PAMR1: variants seen among roughly 807,000 people sequenced by gnomAD.
PAMR1 encodes the protein peptidase domain containing associated with muscle regeneration 1.
Under a neutral mutation model 81.8 loss-of-function variants are expected in PAMR1, and 88 were observed. The ratio of observed to expected loss-of-function variants is 1.08; its 90% CI spans 0.91 to 1.28. The LOEUF (loss-of-function observed/expected upper bound fraction) is 1.28. PAMR1 is among the 50% of genes most tolerant of loss of function. The pLI, the probability that PAMR1 is intolerant of heterozygous loss-of-function variation, is 0.00. For missense variants in PAMR1, 935 were observed against 919.7 expected (o/e 1.02, Z -0.21); for synonymous variants, 336 against 345.3 (o/e 0.97, Z 0.30).
intron 6 of PAMR1, among the ~76,000 whole-genome samples, chr11:35,445,115 G>C (rs927758674): frequency 6.6e-6 from 1 of 152,130 alleles, no homozygotes; most frequent in African/African-American, 2.4e-5. Flanking sequence ...GTGAATGGGA[G>C]TTCATTCATG....
rs762396112 is a variant in PAMR1, at chr11:35,492,103, A to T, written c.321T>A (p.Tyr107Ter). The T allele has an allele frequency of 1.3e-5, 21 of 1,614,026 alleles. No individual in the cohort carries two copies. The highest frequency in any genetic ancestry group is 2.2e-5 in the South Asian group (2 of 91,080). ...GSWGGTLDDF[Y>*]VKGFYCAECR... ...ACTCTGCACAGTAGAACCCCTTCAC[A>T]TAGAAGTCATCCAAGGTACCCCCCC... Residue 107 changes from tyrosine to a stop codon, truncating the protein, a stop_gained, in exon 3 of 11, where the codon TAT becomes TAA. Coordinates refer to ENST00000619888, the MANE Select transcript of PAMR1 (RefSeq NM_001001991.3). LOFTEE classifies it high-confidence loss of function.
intron 3 of PAMR1, 25 bp downstream of exon 3, chr11:35,492,020 T>C (rs759863002): frequency 6.3e-7 from 1 of 1,596,756 alleles, no homozygotes; most frequent in Non-Finnish European, 8.5e-7. Context: ...GCACTAGAGA[T>C]GGAGCTAGGT....
chr11:35,480,091 A>C (rs145058208), intron 3 of PAMR1, among the ~76,000 whole-genome samples: 2,049 of 152,282 alleles, frequency 0.013, 39 homozygotes, highest in African/African-American at 0.047. Flanking sequence ...CGAGAGCAGG[A>C]ATATCATCTG....
chr11:35,525,667 G>A (rs1438198757), upstream of PAMR1: 31 of 1,201,528 alleles, frequency 2.6e-5, 1 homozygote, highest in Middle Eastern at 6.5e-4. Context: ...GGGTTTTACA[G>A]GGACCTCCCC....
intron 6 of PAMR1, among the ~76,000 whole-genome samples, chr11:35,454,361 C>A (rs7943580): frequency 0.28 from 42,803 of 152,068 alleles, 6,119 homozygotes; most frequent in Admixed American, 0.34. Context: ...TAGGCAATGA[C>A]TGATGGATAT....
chr11:35,507,707 A>G (rs1350350056), intron 1 of PAMR1, among the ~76,000 whole-genome samples: 2 of 149,650 alleles, frequency 1.3e-5, no homozygotes, highest in African/African-American at 4.9e-5. Flanking sequence ...GCATTGAAGG[A>G]TTATTTATTT....
At chr11:35,470,883 T>G in intron 4 of PAMR1, 65 bp from the exon 5 acceptor site, 1 of 1,122,390 alleles carries the variant, frequency 8.9e-7, no homozygotes, top group Admixed American at 1.8e-5. Context: ...ACCGCTGGGC[T>G]CATTCAAGGC....
intron 1 of PAMR1, among the ~76,000 whole-genome samples, chr11:35,494,585 C>G (rs1299879152): frequency 6.6e-6 from 1 of 152,092 alleles, no homozygotes; most frequent in Non-Finnish European, 1.5e-5. Context: ...CACCCGCCTC[C>G]GCCTCCCAAA....
chr11:35,495,025 C>T (rs780744588), intron 1 of PAMR1, among the ~76,000 whole-genome samples: 3 of 152,180 alleles, frequency 2.0e-5, no homozygotes, highest in Non-Finnish European at 4.4e-5. Context: ...AGATCCATAG[C>T]GAGCCATTAA....
upstream of PAMR1, chr11:35,525,875 A>T: frequency 2.0e-6 from 1 of 500,164 alleles, no homozygotes; most frequent in Non-Finnish European, 3.6e-6. Context: ...CGGGGGAGGG[A>T]GGCCAGCCTG....
At chr11:35,494,586 G>A (rs1032225759) in intron 1 of PAMR1, among the ~76,000 whole-genome samples, 2 of 152,094 alleles carry the variant, frequency 1.3e-5, no homozygotes, top group African/African-American at 2.4e-5. Context: ...ACCCGCCTCC[G>A]CCTCCCAAAG....
chr11:35,466,726 CAAAA>C (rs71044519), intron 6 of PAMR1, among the ~76,000 whole-genome samples: 884 of 63,958 alleles, frequency 0.014, 11 homozygotes, highest in African/African-American at 0.053. Flanking sequence ...GGCTCTATCT[CAAAA>C]AAAAAAAAAA....
At chr11:35,509,400 A>G (rs1047455468) in intron 1 of PAMR1, among the ~76,000 whole-genome samples, 1 of 152,208 alleles carries the variant, frequency 6.6e-6, no homozygotes, top group Non-Finnish European at 1.5e-5. Context: ...ATTTGGCTTC[A>G]GCTGTACAAA....
At chr11:35,453,267 G>A (rs1188531936) in intron 6 of PAMR1, 1 of 152,198 alleles carries the variant, frequency 6.6e-6, no homozygotes, top group Non-Finnish European at 1.5e-5. Flanking sequence ...CCACAGGGAA[G>A]TACAAAAGCC....
chr11:35,496,754 A>G lies in PAMR1; in HGVS notation c.74-2482T>C, dbSNP rs558250494. ...TTGCCCAGCAATTACACTTCTAGGTATAGATCTAAAAAATTGAAAACAGAG... is the reference window on the plus strand; with the variant it reads ...TTGCCCAGCAATTACACTTCTAGGTGTAGATCTAAAAAATTGAAAACAGAG... On this transcript the variant is annotated intron_variant, in intron 1 of 10. Coordinates refer to ENST00000619888, the MANE Select transcript of PAMR1 (RefSeq NM_001001991.3). Among the ~76,000 whole-genome samples the G allele has an allele frequency of 5.3e-5, 8 of 152,242 alleles. No homozygotes were observed. In the South Asian group the frequency reaches 1.7e-3, roughly 32 times the overall value.
At chr11:35,493,370 C>T (rs1164367344) in intron 2 of PAMR1, among the ~76,000 whole-genome samples, 2 of 152,032 alleles carry the variant, frequency 1.3e-5, no homozygotes, top group Non-Finnish European at 2.9e-5. Flanking sequence ...GCTCTTGTTC[C>T]TCCCTTCAGA....
chr11:35,525,551 G>C lies in PAMR1; in HGVS notation c.35C>G (p.Thr12Ser), dbSNP rs201455935. ...CGAGATGAGAAGGAGCTGAAGAAAA[G>C]TGAGCCCCAACTGCGTCCAGCAACC... ...ELGCWTQLGLTFLQLLLISSL... is the reference protein window; with the variant it reads ...ELGCWTQLGLSFLQLLLISSL... The change falls in exon 1 of 11, where the codon ACT (threonine) becomes AGT (serine). Residue 12 changes from threonine to serine, a missense_variant. Physicochemically the swap from Thr to Ser is moderately conservative, Grantham distance 58 (BLOSUM62 1). Coordinates refer to ENST00000619888, the MANE Select transcript of PAMR1 (RefSeq NM_001001991.3). The C allele has an allele frequency of 3.3e-5, 53 of 1,613,968 alleles. No homozygotes were observed. In the Middle Eastern group the frequency reaches 8.2e-4, roughly 25 times the overall value.
chr11:35,436,510 C>A (rs941580689), intron 8 of PAMR1, among the ~76,000 whole-genome samples: 3 of 152,160 alleles, frequency 2.0e-5, no homozygotes, highest in African/African-American at 7.2e-5. Context: ...ATCTTGAACT[C>A]CTGGGCTCAA....
intron 6 of PAMR1, among the ~76,000 whole-genome samples, chr11:35,467,327 G>A (rs1856774841): frequency 6.6e-6 from 1 of 152,128 alleles, no homozygotes. Context: ...CTCACGATCT[G>A]CTTTGGGAAA....
Sources: allele counts gnomAD v4.1 joint callset (sites outside exome capture counted in the v4.1 genomes callset), GRCh38; gene constraint gnomAD v4.1.1; transcripts MANE v1.5; gene names NCBI Gene and HGNC (gene_info 2026-07-23, HGNC 2026-07-21).